Variants in GALK2 observed in about 807,000 individuals in gnomAD.
GALK2 encodes the protein galactokinase 2.
A neutral mutation model predicts 52.4 loss-of-function variants in GALK2; 36 were observed. The ratio of observed to expected loss-of-function variants is 0.69; its 90% confidence interval spans 0.53 to 0.91. The LOEUF is 0.91. GALK2 is among the 40% of genes least tolerant of loss of function. GALK2 has a pLI of 0.00. For synonymous variants in GALK2, 176 were observed against 199.1 expected (o/e 0.88, Z 0.98); for missense variants, 579 against 559.1 (o/e 1.04, Z -0.36).
chr15:49,366,292 A>C (rs1567162069), intron 3 of GALK2: 6 of 787,940 alleles, frequency 7.6e-6, no homozygotes, highest in Non-Finnish European at 1.2e-5. Flanking sequence ...TTTTCACATC[A>C]GGAAATTCAG....
At chr15:49,179,946 C>G (rs998492915) in intron 1 of GALK2, among the ~76,000 whole-genome samples, 1 of 152,106 alleles carries the variant, frequency 6.6e-6, no homozygotes, top group African/African-American at 2.4e-5. Context: ...TAGAAAAACA[C>G]TGTACACTTC....
chr15:49,248,466 C>T (rs1056449912), intron 5 of GALK2, among the ~76,000 whole-genome samples: 1 of 152,104 alleles, frequency 6.6e-6, no homozygotes, highest in Non-Finnish European at 1.5e-5. Context: ...ATCCAGAATA[C>T]AAGCTTTGAA....
At position 49,358,760 on chromosome 15, in the gene GALK2, A is replaced by G. The variant is rs554425394; in HGVS notation, c.427-8731A>G. 9.1e-4 allele frequency among the ~76,000 whole-genome samples: 139 copies of G among 152,260 alleles called. 5 individuals carry two copies. The South Asian group carries it at 0.028, about 30-fold the overall frequency. ...TACTTTAAAGTTCATATGGAACCAA[A>G]AAAGAGCCTGCATCGCCAAGTCAAA... is the stretch of plus-strand genomic sequence containing the variant. On this transcript the variant is annotated intron_variant, in intron 3 of 3. Coordinates refer to the GALK2 transcript ENST00000558399.
chr15:49,270,353 T>C (rs2030291502), intron 5 of GALK2, among the ~76,000 whole-genome samples: 1 of 152,216 alleles, frequency 6.6e-6, no homozygotes, highest in African/African-American at 2.4e-5. Flanking sequence ...AATAGAGGAA[T>C]CATTCCAGTT....
At chr15:49,208,656 A>T (rs909407100) in intron 2 of GALK2, among the ~76,000 whole-genome samples, 1 of 152,160 alleles carries the variant, frequency 6.6e-6, no homozygotes, top group Non-Finnish European at 1.5e-5. Context: ...CTCTGTATAT[A>T]TGTGTTAAGT....
chr15:49,214,928 C>T (rs529233864), intron 2 of GALK2, among the ~76,000 whole-genome samples: 8 of 139,296 alleles, frequency 5.7e-5, no homozygotes, highest in Admixed American at 3.1e-4. Context: ...GTTGTTGAAA[C>T]CCCTCAGCTG....
At chr15:49,339,508 A>G (rs28871982) in intron 3 of GALK2, among the ~76,000 whole-genome samples, 14,298 of 152,140 alleles carry the variant, frequency 0.094, 2,034 homozygotes, top group African/African-American at 0.31. Context: ...TTCGTCCCAG[A>G]GGGGCACCCG....
intron 8 of GALK2, among the ~76,000 whole-genome samples, chr15:49,315,285 A>G (rs993947581): frequency 8.5e-5 from 13 of 152,240 alleles, no homozygotes; most frequent in African/African-American, 2.9e-4. Context: ...TTGCCTTGGA[A>G]GTAATCATGC....
At chr15:49,313,448 A>G (rs933776945) in intron 8 of GALK2, among the ~76,000 whole-genome samples, 1 of 152,134 alleles carries the variant, frequency 6.6e-6, no homozygotes, top group Non-Finnish European at 1.5e-5. Flanking sequence ...GCCTTTGGCC[A>G]TCCTCTCTTC....
chr15:49,196,948 G>A (rs747952664), intron 1 of GALK2, among the ~76,000 whole-genome samples: 4 of 152,100 alleles, frequency 2.6e-5, no homozygotes, highest in African/African-American at 4.8e-5. Context: ...AAATATTTTA[G>A]CTAGGCATGG....
upstream of GALK2, among the ~76,000 whole-genome samples, chr15:49,165,800 CTTTTTTTT>C (rs552058665): frequency 7.4e-6 from 1 of 134,722 alleles, no homozygotes; most frequent in Non-Finnish European, 1.6e-5. Context: ...TAATGTATTT[CTTTTTTTT>C]TTTTTTTTTA....
chr15:49,235,084 T>C (rs1026688462), intron 3 of GALK2, among the ~76,000 whole-genome samples: 1 of 152,276 alleles, frequency 6.6e-6, no homozygotes, highest in African/African-American at 2.4e-5. Context: ...TGTTTTTCCA[T>C]TGTAGTTCAT....
intron 8 of GALK2, among the ~76,000 whole-genome samples, chr15:49,302,096 G>T (rs1440715556): frequency 6.6e-6 from 1 of 152,154 alleles, no homozygotes. Flanking sequence ...CCACATAGGT[G>T]GTACGAGCTG....
intron 3 of GALK2, among the ~76,000 whole-genome samples, chr15:49,232,441 CT>C (rs2090553742): frequency 1.3e-5 from 2 of 152,206 alleles, no homozygotes; most frequent in Admixed American, 6.5e-5. Flanking sequence ...TTCTGAAATG[CT>C]TTGAAAGTCT....
intron 3 of GALK2, 80 bp from the exon 4 acceptor site, chr15:49,235,771 C>G: frequency 1.1e-6 from 1 of 912,980 alleles, no homozygotes; most frequent in South Asian, 1.3e-5. Flanking sequence ...TGTGTTGGCA[C>G]AAGATGGCAG....
chr15:49,175,357 T>C (rs2085365966), intron 1 of GALK2, among the ~76,000 whole-genome samples: 1 of 152,150 alleles, frequency 6.6e-6, no homozygotes, highest in African/African-American at 2.4e-5. Context: ...AGGTGTCCAA[T>C]AGCTGCTATT....
intron 5 of GALK2, among the ~76,000 whole-genome samples, chr15:49,245,415 G>A (rs1312357166): frequency 5.3e-5 from 8 of 151,944 alleles, no homozygotes; most frequent in East Asian, 3.8e-4. Flanking sequence ...TCACTTTGGC[G>A]AAAGTAAAAT....
chr15:49,228,669 A>ATG (rs1164553897), intron 3 of GALK2, among the ~76,000 whole-genome samples: 1 of 8,630 alleles, frequency 1.2e-4, no homozygotes, highest in Non-Finnish European at 2.4e-4. Flanking sequence ...TGATATATAT[A>ATG]TATATATATA....
At chr15:49,198,364 T>C (rs2087426162) in intron 1 of GALK2, among the ~76,000 whole-genome samples, 1 of 152,224 alleles carries the variant, frequency 6.6e-6, no homozygotes, top group Non-Finnish European at 1.5e-5. Flanking sequence ...CTACCATTTA[T>C]TAAACACATA....
Sources: allele counts gnomAD v4.1 joint callset (sites outside exome capture counted in the v4.1 genomes callset), GRCh38; gene constraint gnomAD v4.1.1; transcripts MANE v1.5; gene names NCBI Gene and HGNC (gene_info 2026-07-23, HGNC 2026-07-21).